Variants in NEBL observed in about 807,000 individuals in gnomAD.
NEBL encodes the protein nebulette.
A neutral mutation model predicts 140.2 loss-of-function variants in NEBL; 122 were observed. The observed-to-expected ratio is 0.87, with a 90% CI of 0.75 to 1.01. The LOEUF (loss-of-function observed/expected upper bound fraction) is 1.01, where lower values mean the gene tolerates loss of function less well. Ranked by LOEUF, NEBL falls within the 50% of genes least tolerant of loss-of-function variation. NEBL has a pLI of 0.00. For missense variants in NEBL, 1,365 were observed against 1,231.3 expected, an observed-to-expected ratio of 1.11 and a Z score of -1.62; for synonymous variants, 436 against 398.9, an observed-to-expected ratio of 1.09 and a Z score of -1.11.
At chr10:20,842,666 C>T (rs1289218147) in intron 12 of NEBL, among the ~76,000 whole-genome samples, 3 of 151,932 alleles carry the variant, frequency 2.0e-5, no homozygotes, top group Non-Finnish European at 4.4e-5. Context: ...TTTATGAATA[C>T]AATGTGGAAT....
chr10:21,029,593 T>TG lies in NEBL; in HGVS notation c.165-9393dup, dbSNP rs1453735548. The TG allele has an allele frequency of 3.2e-6, 5 of 1,583,536 alleles. No individual in the cohort carries two copies. In the Admixed American group the frequency reaches 5.0e-5, roughly 16 times the overall value. On this transcript the variant is annotated intron_variant, in intron 2 of 6. Coordinates refer to the NEBL transcript ENST00000417816. ...GGATTCTGACAAAACAGATACAGAC[T>TG]GGAGGGCTCGTTCTGCCACAGACAG...
At chr10:20,801,318 T>C (rs1180857445) in intron 26 of NEBL, among the ~76,000 whole-genome samples, 1 of 152,054 alleles carries the variant, frequency 6.6e-6, no homozygotes, top group East Asian at 1.9e-4. Context: ...GTTCAAGCGA[T>C]TCTCATGCCT....
At chr10:20,930,784 C>T (rs956348368) in intron 4 of NEBL, among the ~76,000 whole-genome samples, 3 of 152,138 alleles carry the variant, frequency 2.0e-5, no homozygotes, top group Admixed American at 6.6e-5. Context: ...CCTCTTTTAC[C>T]ACACAGGAGC....
intron 1 of NEBL, chr10:21,172,626 C>T (rs1441822254): frequency 1.5e-6 from 1 of 660,712 alleles, no homozygotes; most frequent in Non-Finnish European, 2.6e-6. Flanking sequence ...GATGTGTTTA[C>T]CTACTTTCAG....
At chr10:21,211,368 C>G (rs1841912425) in intron 3 of NEBL, among the ~76,000 whole-genome samples, 1 of 152,084 alleles carries the variant, frequency 6.6e-6, no homozygotes, top group Non-Finnish European at 1.5e-5. Flanking sequence ...GTAGTCCCAG[C>G]TACTAGGGAG....
intron 4 of NEBL, among the ~76,000 whole-genome samples, chr10:20,941,346 T>A (rs1218946042): frequency 6.6e-6 from 1 of 152,190 alleles, no homozygotes; most frequent in Non-Finnish European, 1.5e-5. Flanking sequence ...CATGATTATC[T>A]CAATAGATGC....
intron 2 of NEBL, among the ~76,000 whole-genome samples, chr10:21,034,156 G>A (rs1320868695): frequency 3.9e-5 from 4 of 102,882 alleles, no homozygotes; most frequent in Non-Finnish European, 5.2e-5. Context: ...AACAGAGCAA[G>A]ACCCTATCTC....
rs1185049706 is a variant in NEBL at position 20,840,960 on chromosome 10, G to A, written c.1228-111C>T. On this transcript the variant is annotated intron_variant, in intron 12 of 27. Coordinates refer to ENST00000377122, the MANE Select transcript of NEBL (RefSeq NM_006393.3). ...GAAATGAGAAAATATTACTAGGAAG[G>A]AATGAATCACACAGCTAAGTATTCA... 4.2e-6 allele frequency: 3 copies of A among 713,236 alleles called. No homozygotes were observed. The African/African-American group carries it at 5.3e-5, about 13-fold the overall frequency. The allele number at this position is 713,236 out of a possible 1,614,324, so 44.2% of individuals were successfully genotyped here.
intron 18 of NEBL, among the ~76,000 whole-genome samples, chr10:20,825,524 A>T (rs1839761592): frequency 6.6e-6 from 1 of 151,892 alleles, no homozygotes; most frequent in South Asian, 2.1e-4. Context: ...ATAAATGGCC[A>T]GGTGTGGTGG....
In NEBL at chr10:21,057,696, C is replaced by A. The variant is rs2025847; in HGVS notation, c.165-37495G>T. Among the ~76,000 whole-genome samples the A allele has an allele frequency of 2.6e-4, 39 of 151,906 alleles. 1 individual carries two copies. Among genetic ancestry groups the A allele is most frequent in the African/African-American group, 8.7e-4 (36 of 41,472 alleles). Reference sequence around the variant, plus strand: ...TCCTGAACAGCTGGGACTACAGGAGCGCACCAGCACACCCAGCTTATTTTT... The same window carrying A: ...TCCTGAACAGCTGGGACTACAGGAGAGCACCAGCACACCCAGCTTATTTTT... On this transcript the variant is annotated intron_variant, in intron 2 of 6. Transcript: ENST00000417816.
intron 3 of NEBL, among the ~76,000 whole-genome samples, chr10:20,889,185 G>T (rs1424683141): frequency 2.6e-5 from 4 of 152,134 alleles, no homozygotes; most frequent in African/African-American, 7.2e-5. Context: ...TCTCTTCTAA[G>T]TGATCTATTC....
At chr10:20,985,686 A>T (rs1837228361) in intron 3 of NEBL, among the ~76,000 whole-genome samples, 1 of 152,064 alleles carries the variant, frequency 6.6e-6, no homozygotes, top group Non-Finnish European at 1.5e-5. Context: ...AATAAATACT[A>T]TTTATTTATT....
Position 21,225,094 on chromosome 10 carries a change from A to C in NEBL, n.348+22827T>G, listed in dbSNP as rs548441809. ...TGTCATGTTCCAGATCTTAGAGGAA[A>C]AGCTTTCAGTTTTTCCCCATTCGCT... On this transcript the variant is annotated intron_variant and non_coding_transcript_variant, in intron 3 of 8. Coordinates refer to the NEBL transcript ENST00000675702. Among the ~76,000 whole-genome samples the C allele has an allele frequency of 1.6e-3, 239 of 152,266 alleles. 1 individual carries two copies. Among genetic ancestry groups the C allele is most frequent in the Non-Finnish European group, 3.0e-3 (205 of 68,032 alleles).
rs778303887 is a variant in NEBL at position 20,782,025 on chromosome 10, T to C, written c.*3722A>G. 5.2e-5 allele frequency: 8 copies of C among 152,560 alleles called. No individual in the cohort carries two copies. Among genetic ancestry groups the C allele is most frequent in the Non-Finnish European group, 1.0e-4 (7 of 68,026 alleles). The allele number at this position is 152,560 out of a possible 1,614,324, so 9.5% of individuals were successfully genotyped here. A position where few individuals can be genotyped will look rare whatever the true frequency, so the allele number is the denominator to read the frequency against. On this transcript the variant is annotated 3_prime_UTR_variant, in exon 28 of 28. Transcript: ENST00000377122. ...CAATAGGCATTTTAAATCCCAAATC[T>C]AAAGTTAATGTTTATATAGCTCAAC... is the stretch of plus-strand genomic sequence containing the variant.
chr10:21,263,610 A>G (rs193293377), intron 1 of NEBL, among the ~76,000 whole-genome samples: 98 of 152,320 alleles, frequency 6.4e-4, no homozygotes, highest in Non-Finnish European at 1.2e-3. Flanking sequence ...TTGCTTTAAA[A>G]TTAAACTCTA....
At chr10:20,979,272 T>C (rs550939909) in intron 3 of NEBL, among the ~76,000 whole-genome samples, 1 of 151,582 alleles carries the variant, frequency 6.6e-6, no homozygotes, top group East Asian at 1.9e-4. Flanking sequence ...ATAATGATAA[T>C]ACACATATAA....
chr10:20,841,812 G>A (rs927923013), intron 12 of NEBL, among the ~76,000 whole-genome samples: 5 of 151,944 alleles, frequency 3.3e-5, no homozygotes, highest in African/African-American at 9.7e-5. Context: ...TTTCTCTATT[G>A]GCTTTGCTTT....
chr10:20,984,540 G>A (rs976172831), intron 3 of NEBL, among the ~76,000 whole-genome samples: 22 of 152,050 alleles, frequency 1.4e-4, no homozygotes, highest in Admixed American at 6.6e-5. Context: ...GTTGAAATTC[G>A]ACTTGTTTTA....
chr10:21,042,125 C>T (rs559061776), intron 2 of NEBL, among the ~76,000 whole-genome samples: 155 of 152,292 alleles, frequency 1.0e-3, no homozygotes, highest in African/African-American at 3.1e-3. Context: ...AGCTCTAATG[C>T]TAAAAATTAC....
Sources: allele counts gnomAD v4.1 joint callset (sites outside exome capture counted in the v4.1 genomes callset), GRCh38; gene constraint gnomAD v4.1.1; transcripts MANE v1.5; gene names NCBI Gene and HGNC (gene_info 2026-07-23, HGNC 2026-07-21).